SMPD3: variants seen among roughly 807,000 people sequenced by gnomAD.
The protein encoded by SMPD3 is sphingomyelin phosphodiesterase 3, also known as nSMase-2.
A neutral mutation model predicts 55.7 loss-of-function variants in SMPD3; 21 were observed. The ratio of observed to expected loss-of-function variants is 0.38; its 90% CI spans 0.27 to 0.54. The LOEUF is 0.54. Ranked by LOEUF, SMPD3 falls within the 20% of genes least tolerant of loss-of-function variation. The probability of loss-of-function intolerance (pLI) is 0.80; values close to 1 mark genes in which losing one functional copy is unlikely to be tolerated. For missense variants in SMPD3, 842 were observed against 899.6 expected (o/e 0.94, Z 0.82); for synonymous variants, 457 against 404.3 (o/e 1.13, Z -1.56).
chr16:68,396,980 C>A (rs1411216788), intron 1 of SMPD3, among the ~76,000 whole-genome samples: 2 of 152,084 alleles, frequency 1.3e-5, no homozygotes, highest in African/African-American at 2.4e-5. Flanking sequence ...CAGAGCATTC[C>A]CTGCACAACG....
intron 2 of SMPD3, among the ~76,000 whole-genome samples, chr16:68,377,233 C>T (rs1302651482): frequency 2.0e-5 from 3 of 152,210 alleles, no homozygotes; most frequent in African/African-American, 7.2e-5. Context: ...GAGCAGAGAG[C>T]TCCATGGTTT....
Position 68,448,434 on chromosome 16 carries a change from C to G in SMPD3, c.-350G>C, listed in dbSNP as rs1181032358. ...GCTCCTCACAGCCCGGGCTCCCGGC[C>G]GCAGATCTGGCGGCGGCCGCAGCGG... On this transcript the variant is annotated 5_prime_UTR_variant, in exon 1 of 9. Transcript: ENST00000219334. 3 of 152,456 alleles carry G rather than the reference C, an allele frequency of 2.0e-5. No individual in the cohort carries two copies. Among genetic ancestry groups the G allele is most frequent in the Non-Finnish European group, 4.4e-5 (3 of 68,260 alleles). The allele number at this position is 152,456 out of a possible 1,614,324, so 9.4% of individuals were successfully genotyped here. A position where few individuals can be genotyped will look rare whatever the true frequency, so the allele number is the denominator to read the frequency against.
chr16:68,383,171 G>A (rs1177560539), intron 2 of SMPD3, among the ~76,000 whole-genome samples: 60 of 152,142 alleles, frequency 3.9e-4, no homozygotes, highest in Admixed American at 3.9e-3. Flanking sequence ...TAGCCTGTCC[G>A]GATAGCATCC....
At chr16:68,420,742 C>A (rs1439866186) in intron 1 of SMPD3, among the ~76,000 whole-genome samples, 1 of 152,220 alleles carries the variant, frequency 6.6e-6, no homozygotes, top group Non-Finnish European at 1.5e-5. Flanking sequence ...TTGGTGCTGT[C>A]ACAGTGATTA....
At chr16:68,395,180 C>T (rs1341561981) in intron 1 of SMPD3, among the ~76,000 whole-genome samples, 1 of 151,846 alleles carries the variant, frequency 6.6e-6, no homozygotes, top group Non-Finnish European at 1.5e-5. Flanking sequence ...CCTCATGGCT[C>T]ACCTTCCAAA....
intron 3 of SMPD3, among the ~76,000 whole-genome samples, chr16:68,365,325 G>A (rs75408251): frequency 0.014 from 2,079 of 152,242 alleles, 27 homozygotes; most frequent in Non-Finnish European, 0.019. Context: ...GAGTGCTGGC[G>A]GCCATCTGTG....
chr16:68,437,489 ATC>A, intron 1 of SMPD3, among the ~76,000 whole-genome samples: 1 of 152,282 alleles, frequency 6.6e-6, no homozygotes, highest in Non-Finnish European at 1.5e-5. Flanking sequence ...CTAAGGTCTT[ATC>A]CCTGGACAAC....
At chr16:68,441,707 C>T (rs994745890) in intron 1 of SMPD3, among the ~76,000 whole-genome samples, 4 of 151,988 alleles carry the variant, frequency 2.6e-5, no homozygotes, top group African/African-American at 9.7e-5. Context: ...TATAGACAGA[C>T]ATTCTACTTT....
At chr16:68,414,689 G>A (rs748496968) in intron 1 of SMPD3, among the ~76,000 whole-genome samples, 8 of 152,266 alleles carry the variant, frequency 5.3e-5, no homozygotes, top group Admixed American at 3.3e-4. Flanking sequence ...ACAGGGCATG[G>A]CATGAGATGA....
At chr16:68,417,083 C>T (rs2090345719) in intron 1 of SMPD3, among the ~76,000 whole-genome samples, 1 of 152,114 alleles carries the variant, frequency 6.6e-6, no homozygotes, top group African/African-American at 2.4e-5. Context: ...TAGGCATTGC[C>T]CTCAGCTGAG....
At chr16:68,398,786 T>C (rs1407563448) in intron 1 of SMPD3, among the ~76,000 whole-genome samples, 1 of 152,212 alleles carries the variant, frequency 6.6e-6, no homozygotes, top group East Asian at 1.9e-4. Context: ...GAGAAAAACG[T>C]GGACCTATGT....
Position 68,358,716 on chromosome 16 carries a change from CCTTT to C in SMPD3, c.*2486_*2489del, listed in dbSNP as rs2089006769. 2 of 152,532 alleles carry C rather than the reference CCTTT, an allele frequency of 1.3e-5. No individual in the cohort carries two copies. Among genetic ancestry groups the C allele is most frequent in the African/African-American group, 2.4e-5 (1 of 41,466 alleles). 9.4% of individuals were successfully genotyped at this position (152,532 alleles called of 1,614,324 possible). On this transcript the variant is annotated 3_prime_UTR_variant, in exon 9 of 9. Coordinates refer to ENST00000219334, the MANE Select transcript of SMPD3 (RefSeq NM_018667.4). The stretch of plus-strand genomic sequence containing the variant: ...CAGTGGCCCCCGCGCCTTGTGGCTT[CCTTT>C]GAGACTGGGCCTAGGGCAGGAACAG...
At chr16:68,440,208 G>GT (rs1227589474) in intron 1 of SMPD3, among the ~76,000 whole-genome samples, 1 of 152,056 alleles carries the variant, frequency 6.6e-6, no homozygotes, top group Non-Finnish European at 1.5e-5. Flanking sequence ...TTTTTTCATT[G>GT]TTTTTTTGAG....
chr16:68,390,715 C>A (rs575312935), intron 1 of SMPD3, among the ~76,000 whole-genome samples: 2 of 152,284 alleles, frequency 1.3e-5, no homozygotes, highest in African/African-American at 4.8e-5. Flanking sequence ...CAGCCCAGCA[C>A]GTCTCAGCCT....
At chr16:68,392,538 C>A (rs1248375107) in intron 1 of SMPD3, among the ~76,000 whole-genome samples, 1 of 152,026 alleles carries the variant, frequency 6.6e-6, no homozygotes, top group Non-Finnish European at 1.5e-5. Context: ...AGGATGGGCC[C>A]CTGATCTGAT....
intron 2 of SMPD3, among the ~76,000 whole-genome samples, chr16:68,374,225 C>T (rs552888880): frequency 6.6e-6 from 1 of 152,342 alleles, no homozygotes; most frequent in Admixed American, 6.5e-5. Flanking sequence ...TGTTTTCCCA[C>T]CAACCCGAGG....
intron 1 of SMPD3, among the ~76,000 whole-genome samples, chr16:68,442,823 A>G (rs911309416): frequency 1.3e-5 from 2 of 152,232 alleles, no homozygotes; most frequent in Non-Finnish European, 2.9e-5. Flanking sequence ...CTGCAGTCAT[A>G]TGAGTCAGAG....
At chr16:68,363,456 A>AGG (rs1172909088) in intron 7 of SMPD3, 40 bp downstream of exon 7, 1 of 1,611,210 alleles carries the variant, frequency 6.2e-7, no homozygotes, top group Admixed American at 1.7e-5. Context: ...CACCTTAGTC[A>AGG]GGGTGTGCCT....
chr16:68,384,969 G>C (rs2090026338), intron 2 of SMPD3, among the ~76,000 whole-genome samples: 1 of 152,162 alleles, frequency 6.6e-6, no homozygotes, highest in Non-Finnish European at 1.5e-5. Flanking sequence ...CCCTCCTGAA[G>C]CGGGGACACA....
Sources: allele counts gnomAD v4.1 joint callset (sites outside exome capture counted in the v4.1 genomes callset), GRCh38; gene constraint gnomAD v4.1.1; transcripts MANE v1.5; gene names NCBI Gene and HGNC (gene_info 2026-07-23, HGNC 2026-07-21).